The following ABCA3 variants were observed in gnomAD, a reference collection of about 807,000 sequenced individuals.
The protein encoded by ABCA3 is phospholipid-transporting ATPase ABCA3.
In ABCA3, 88 loss-of-function variants were observed where a neutral mutation model predicts 172.8. The ratio of observed to expected loss-of-function variants is 0.51; its 90% CI spans 0.43 to 0.61. The LOEUF is 0.61. Among genes scored for constraint, ABCA3 ranks in the 20% least tolerant of loss-of-function variants. The probability of loss-of-function intolerance (pLI) is 0.00; values close to 1 mark genes in which losing one functional copy is unlikely to be tolerated. For synonymous variants in ABCA3, 1,066 were observed against 983.8 expected, an observed-to-expected ratio of 1.08 and a Z score of -1.56; for missense variants, 2,164 against 2,301.0, an observed-to-expected ratio of 0.94 and a Z score of 1.22.
chr16:2,331,255 C>T (rs1417552028), intron 1 of ABCA3, among the ~76,000 whole-genome samples: 1 of 151,966 alleles, frequency 6.6e-6, no homozygotes, highest in Admixed American at 6.6e-5. Flanking sequence ...GCTCTGTCGC[C>T]GAGGCTGGGC....
chr16:2,281,580 C>CGGGGGGGGGG lies in ABCA3; in HGVS notation c.4036-72_4036-71insCCCCCCCCCC. 1 of 319,062 alleles carries CGGGGGGGGGG rather than the reference C, an allele frequency of 3.1e-6. No homozygotes were observed. The highest frequency in any genetic ancestry group is 6.1e-6 in the Non-Finnish European group (1 of 163,592). The allele number at this position is 319,062 out of a possible 1,614,324, so 19.8% of individuals were successfully genotyped here. Reference sequence around the variant, plus strand: ...GCGGCTTCCGTGGAGAAGGGAGGGGCGGGGGTGGATGTGGGAGGTCTGGTG... The same window carrying CGGGGGGGGGG: ...GCGGCTTCCGTGGAGAAGGGAGGGGCGGGGGGGGGGGGGGGTGGATGTGGGAGGTCTGGTG... On this transcript the variant is annotated intron_variant, in intron 26 of 32. Transcript: ENST00000301732. This position sits in a 1 kb window ranked among gnomAD's most constrained non-coding sequence, Gnocchi z 4.7.
chr16:2,295,228 C>A (rs1201561781), intron 18 of ABCA3, among the ~76,000 whole-genome samples: 1 of 152,156 alleles, frequency 6.6e-6, no homozygotes, highest in Non-Finnish European at 1.5e-5. Flanking sequence ...ATTCACCACC[C>A]ACATACAAAT....
Position 2,300,138 on chromosome 16 carries a change from C to T in ABCA3, c.1478G>A (p.Trp493Ter). The T allele has an allele frequency of 6.2e-7, 1 of 1,613,316 alleles. No individual in the cohort carries two copies. The highest frequency in any genetic ancestry group is 1.1e-5 in the South Asian group (1 of 91,020). ...PWYFFIMPSY[W>*]CGKPRAVAGK... Reference sequence around the variant, plus strand: ...TGCAACCGCCCTTGGCTTCCCACACCAATAGGAGGGCTGGGAGGGAAGCAG... The same window carrying T: ...TGCAACCGCCCTTGGCTTCCCACACTAATAGGAGGGCTGGGAGGGAAGCAG... The change falls in exon 13 of 33, where the codon TGG becomes TAG. Residue 493 changes from tryptophan (W) to a stop codon, truncating the protein, a stop_gained. Transcript: ENST00000301732. LOFTEE classifies it high-confidence loss of function.
chr16:2,315,700 G>A (rs1017241416), intron 10 of ABCA3, among the ~76,000 whole-genome samples: 21 of 151,858 alleles, frequency 1.4e-4, no homozygotes, highest in African/African-American at 4.6e-4. Context: ...GGTCCCTCTC[G>A]TTCTCCAGGC....
chr16:2,329,419 T>C (rs537971490), intron 2 of ABCA3, among the ~76,000 whole-genome samples: 1 of 152,298 alleles, frequency 6.6e-6, no homozygotes, highest in South Asian at 2.1e-4. Context: ...TGGGGTTGGC[T>C]GAGATGAACG....
At chr16:2,280,552 C>T (rs938086934) in intron 28 of ABCA3, among the ~76,000 whole-genome samples, 3 of 152,172 alleles carry the variant, frequency 2.0e-5, no homozygotes, top group African/African-American at 7.2e-5. Flanking sequence ...CCCTGCTTAC[C>T]ATTTCCCCTG....
At position 2,283,278 on chromosome 16, in the gene ABCA3, A is replaced by G. The variant is rs929412923; in HGVS notation, c.3943T>C (p.Cys1315Arg). The G allele has an allele frequency of 1.2e-6, 2 of 1,613,128 alleles. No individual in the cohort carries two copies. The highest frequency in any genetic ancestry group is 1.3e-5 in the African/African-American group (1 of 74,896). ...AGGAAGAGCAGGATGAGGTAGGCGC[A>G]CCCTGAGGCGGCCATGGAGGCCACA... ...RFVASMAASG[C>R]AYLILLFLIE... is the part of the protein sequence containing the mutation. Residue 1315 changes from cysteine to arginine, a missense_variant, in exon 26 of 33, where the codon TGC (cysteine) becomes CGC (arginine). Physicochemically the swap from Cys to Arg is radical, Grantham distance 180. Around this residue, in one of 3 missense-constraint regions of ABCA3, gnomAD observed 795 missense variants for 881.9 expected, o/e 0.90. Transcript: ENST00000301732. This position sits in a 1 kb window ranked among gnomAD's most constrained non-coding sequence, Gnocchi z 5.4.
At position 2,284,131 on chromosome 16, in the gene ABCA3, G is replaced by C; in HGVS notation, c.3862+148C>G. 1 of 1,026,832 alleles carries C rather than the reference G, an allele frequency of 9.7e-7. No individual in the cohort carries two copies. The highest frequency in any genetic ancestry group is 1.4e-6 in the Non-Finnish European group (1 of 724,994). 63.6% of individuals were successfully genotyped at this position (1,026,832 alleles called of 1,614,324 possible). A position where few individuals can be genotyped will look rare whatever the true frequency, so the allele number is the denominator to read the frequency against. ...AGCGAGCGGGCGCGAGGGGGCTGCT[G>C]TGGGAGGTGGGGCAAGGCGGTACAG... On this transcript the variant is annotated intron_variant, in intron 25 of 32. Coordinates refer to ENST00000301732, the MANE Select transcript of ABCA3 (RefSeq NM_001089.3). The surrounding 1 kb of genome is among the most constrained non-coding windows in gnomAD (Gnocchi z 5.9).
chr16:2,278,500 G>T lies in ABCA3; in HGVS notation c.4548-42C>A. ...GCCAGGTGGGGGAATAAGGCTGAGA[G>T]TTAGCATTGGCTCCCATGTCCCAGT... On this transcript the variant is annotated intron_variant, in intron 29 of 32. Coordinates refer to ENST00000301732, the MANE Select transcript of ABCA3 (RefSeq NM_001089.3). This position sits in a 1 kb window ranked among gnomAD's most constrained non-coding sequence, Gnocchi z 4.4. 1 of 1,602,800 alleles carries T rather than the reference G, an allele frequency of 6.2e-7. No homozygotes were observed. The highest frequency in any genetic ancestry group is 1.1e-5 in the South Asian group (1 of 91,028).
intron 1 of ABCA3, among the ~76,000 whole-genome samples, chr16:2,334,689 TG>T (rs1224322279): frequency 6.6e-6 from 1 of 151,472 alleles, no homozygotes; most frequent in Non-Finnish European, 1.5e-5. Context: ...GCTAATTTTT[TG>T]TATTTTTAGT....
chr16:2,283,409 C>A lies in ABCA3; in HGVS notation c.3863-51G>T. 2 of 1,595,128 alleles carry A rather than the reference C, an allele frequency of 1.3e-6. No homozygotes were observed. Among genetic ancestry groups the A allele is most frequent in the South Asian group, 1.1e-5 (1 of 89,862 alleles). On this transcript the variant is annotated intron_variant, in intron 25 of 32. Transcript: ENST00000301732. The surrounding 1 kb of genome is among the most constrained non-coding windows in gnomAD (Gnocchi z 5.4). ...CCCGAGGCCTGGGGCACCCTCCTCCCCTTCCAGGTTCCCGGCCCCCACTCC... is the reference window on the plus strand; with the variant it reads ...CCCGAGGCCTGGGGCACCCTCCTCCACTTCCAGGTTCCCGGCCCCCACTCC...
At chr16:2,305,485 C>T (rs533933134) in intron 11 of ABCA3, among the ~76,000 whole-genome samples, 10 of 152,188 alleles carry the variant, frequency 6.6e-5, no homozygotes, top group South Asian at 2.1e-4. Flanking sequence ...TTAGTAGAGA[C>T]GGAGTTTCAC....
intron 15 of ABCA3, 84 bp downstream of exon 15, chr16:2,298,302 C>T: frequency 6.3e-7 from 1 of 1,588,080 alleles, no homozygotes; most frequent in Non-Finnish European, 8.6e-7. Context: ...CTCCCTTCCT[C>T]CAGTTTAGCT....
chr16:2,297,232 C>T lies in ABCA3; in HGVS notation c.2263+97G>A, dbSNP rs1051810159. 2.2e-5 allele frequency: 31 copies of T among 1,392,498 alleles called. No individual in the cohort carries two copies. Among genetic ancestry groups the T allele is most frequent in the Non-Finnish European group, 3.0e-5 (30 of 1,008,252 alleles). 86.3% of individuals were successfully genotyped at this position (1,392,498 alleles called of 1,614,324 possible). On this transcript the variant is annotated intron_variant, in intron 17 of 32. Coordinates refer to ENST00000301732, the MANE Select transcript of ABCA3 (RefSeq NM_001089.3). This position sits in a 1 kb window ranked among gnomAD's most constrained non-coding sequence, Gnocchi z 5.6. ...GACAGGAAGTCTAGAAAAGGCCACC[C>T]CTGCCTGATCTGAGGGCCCTTCATG... is the stretch of plus-strand genomic sequence containing the variant.
Position 2,284,140 on chromosome 16 carries a change from G to A in ABCA3, c.3862+139C>T, listed in dbSNP as rs2093659166. ...GCGCGAGGGGGCTGCTGTGGGAGGTGGGGCAAGGCGGTACAGAGGAACGCA... is the reference window on the plus strand; with the variant it reads ...GCGCGAGGGGGCTGCTGTGGGAGGTAGGGCAAGGCGGTACAGAGGAACGCA... On this transcript the variant is annotated intron_variant, in intron 25 of 32. Coordinates refer to ENST00000301732, the MANE Select transcript of ABCA3 (RefSeq NM_001089.3). The surrounding 1 kb of genome is among the most constrained non-coding windows in gnomAD (Gnocchi z 5.9). 2 of 1,120,668 alleles carry A rather than the reference G, an allele frequency of 1.8e-6. No homozygotes were observed. The highest frequency in any genetic ancestry group is 3.0e-4 in the Middle Eastern group (1 of 3,324). 69.4% of individuals were successfully genotyped at this position (1,120,668 alleles called of 1,614,324 possible).
intron 17 of ABCA3, among the ~76,000 whole-genome samples, chr16:2,296,160 G>A (rs1191935858): frequency 1.3e-5 from 2 of 152,172 alleles, no homozygotes; most frequent in African/African-American, 4.8e-5. Flanking sequence ...CTGCAAGACC[G>A]CACTGCACGG....
intron 18 of ABCA3, among the ~76,000 whole-genome samples, chr16:2,295,068 A>G (rs1368738972): frequency 6.6e-6 from 1 of 152,222 alleles, no homozygotes; most frequent in Non-Finnish European, 1.5e-5. Context: ...AAACTGGAGA[A>G]AAGTGCAATA....
chr16:2,326,289 A>G lies in ABCA3; in HGVS notation c.55-15T>C. The G allele has an allele frequency of 6.2e-7, 1 of 1,612,362 alleles. No individual in the cohort carries two copies. The highest frequency in any genetic ancestry group is 8.5e-7 in the Non-Finnish European group (1 of 1,180,026). ...ACCTTCCGCTTCTGGAAGAGATACA[A>G]TAGGGCACGGTGATGGGCTGCAAGG... On this transcript the variant is annotated splice_polypyrimidine_tract_variant and intron_variant, in intron 4 of 32. Transcript: ENST00000301732.
intron 10 of ABCA3, among the ~76,000 whole-genome samples, chr16:2,310,805 G>A (rs929289395): frequency 2.6e-5 from 4 of 152,044 alleles, no homozygotes; most frequent in Non-Finnish European, 4.4e-5. Context: ...AGAGATGTGA[G>A]TCACTTGACC....
Sources: gnomAD v4.1 joint callset for allele counts (sites outside exome capture counted in the v4.1 genomes callset) on GRCh38, gnomAD v4.1.1 for gene constraint, gnomAD v4.1.1 regional missense constraint, Gnocchi (gnomAD v3.1) non-coding constraint, MANE v1.5 for transcripts, NCBI Gene and HGNC (gene_info 2026-07-23, HGNC 2026-07-21) for gene names.